Variants in OSMR observed in about 807,000 individuals in gnomAD.
The protein encoded by OSMR is oncostatin-M-specific receptor subunit beta.
In OSMR, 81 loss-of-function variants were observed where a neutral mutation model predicts 99.9. The observed-to-expected ratio is 0.81, with a 90% CI of 0.68 to 0.97. The LOEUF is 0.97. Ranked by LOEUF, OSMR falls within the 50% of genes least tolerant of loss-of-function variation. The pLI is 0.00. For synonymous variants in OSMR, 406 were observed against 410.4 expected, an observed-to-expected ratio of 0.99 and a Z score of 0.13; for missense variants, 1,099 against 1,153.4, an observed-to-expected ratio of 0.95 and a Z score of 0.68.
chr5:38,918,972 A>C lies in OSMR; in HGVS notation c.1495A>C (p.Arg499=). 6.2e-7 allele frequency: 1 copy of C among 1,614,172 alleles called. No individual in the cohort carries two copies. The highest frequency in any genetic ancestry group is 8.5e-7 in the Non-Finnish European group (1 of 1,180,016). The change falls in exon 11 of 18, where the codon AGG becomes CGG. Residue 499 remains arginine (R), a synonymous_variant. Transcript: ENST00000274276. ...CAACAGCACAAAACTAATCCTTGAC[A>C]GGTGTTCCTACCAAATCTGCGTCAT... ...PANSTKLILD[R]CSYQICVIAN...
At chr5:38,919,666 G>C (rs1746132712) in intron 11 of OSMR, 2 of 276,454 alleles carry the variant, frequency 7.2e-6, no homozygotes, top group South Asian at 7.9e-5. Flanking sequence ...ACAGTTACAT[G>C]CTATGAGATG....
At position 38,942,347 on chromosome 5, in the gene OSMR, G is replaced by T. The variant is rs61748204; in HGVS notation, c.75-1854G>T. The T allele has an allele frequency of 1.9e-6, 3 of 1,597,076 alleles. No homozygotes were observed. The Admixed American group carries it at 5.0e-5, about 27-fold the overall frequency. ...ATCAACTATAGGTTGCTTTGGTGGT[G>T]TTGCCAACACAGCCTCTGCTTCTTC... On this transcript the variant is annotated intron_variant and NMD_transcript_variant, in intron 1 of 2. Transcript: ENST00000508882.
chr5:38,914,131 C>T (rs890246706), intron 9 of OSMR, among the ~76,000 whole-genome samples: 1 of 152,176 alleles, frequency 6.6e-6, no homozygotes, highest in African/African-American at 2.4e-5. Flanking sequence ...TTTAATAACA[C>T]AGTACCACAG....
intron 1 of OSMR, among the ~76,000 whole-genome samples, chr5:38,862,608 C>T (rs184135789): frequency 1.9e-4 from 29 of 150,142 alleles, no homozygotes; most frequent in Non-Finnish European, 3.7e-4. Flanking sequence ...GACCGGGTCG[C>T]GGCCAGGCAG....
intron 7 of OSMR, among the ~76,000 whole-genome samples, chr5:38,888,055 G>C (rs1231944383): frequency 6.6e-6 from 1 of 152,142 alleles, no homozygotes; most frequent in Non-Finnish European, 1.5e-5. Context: ...GAAGGAAACA[G>C]CTCCTCCATG....
At position 38,931,893 on chromosome 5, in the gene OSMR, G is replaced by A. The variant is rs1746768073; in HGVS notation, c.2223G>A (p.Leu741=). ...TTTTTCCTCGTTCAGCCTCGATGCT[G>A]ATTCATATCCTACTGCCCATGGTTT... The part of the protein sequence containing the change: ...VTTPDEHSSM[L]IHILLPMVFC... The change falls in exon 16 of 18, where the codon CTG becomes CTA. Residue 741 remains leucine, a synonymous_variant. Transcript: ENST00000274276. 1 of 1,613,292 alleles carries A rather than the reference G, an allele frequency of 6.2e-7. No individual in the cohort carries two copies. Among genetic ancestry groups the A allele is most frequent in the African/African-American group, 1.3e-5 (1 of 74,878 alleles).
intron 1 of OSMR, among the ~76,000 whole-genome samples, chr5:38,860,128 G>A (rs537048627): frequency 6.6e-6 from 1 of 152,150 alleles, no homozygotes; most frequent in Non-Finnish European, 1.5e-5. Context: ...TGTAAAATTG[G>A]GCATCCTTTT....
intron 7 of OSMR, among the ~76,000 whole-genome samples, chr5:38,894,368 G>T (rs562374658): frequency 6.6e-6 from 1 of 151,280 alleles, no homozygotes; most frequent in Non-Finnish European, 1.5e-5. Context: ...CACTTAAAAG[G>T]CACAGTGAAT....
chr5:38,887,002 C>T (rs1017619445), intron 7 of OSMR, among the ~76,000 whole-genome samples: 2 of 151,994 alleles, frequency 1.3e-5, no homozygotes, highest in Non-Finnish European at 2.9e-5. Context: ...TGTATTATTG[C>T]CAATTAAATG....
chr5:38,943,642 G>C (rs997388950), intron 1 of OSMR, among the ~76,000 whole-genome samples: 26 of 152,150 alleles, frequency 1.7e-4, no homozygotes, highest in Admixed American at 1.6e-3. Flanking sequence ...GCGAAACTCT[G>C]TTTCTACTAA....
Position 38,862,095 on chromosome 5 carries a change from G to A in OSMR, c.-13-6937G>A, listed in dbSNP as rs868283583. On this transcript the variant is annotated intron_variant, in intron 1 of 17. Transcript: ENST00000274276. ...CCGGACGGGGCGGCTGGCCGGGTGG[G>A]GGGCTGACCCCCCACCTCCCTCCCG... Among the ~76,000 whole-genome samples, 226 of 26,126 alleles carry A rather than the reference G, an allele frequency of 8.7e-3. 19 individuals carry two copies. The highest frequency in any genetic ancestry group is 0.031 in the African/African-American group (196 of 6,376). 17.1% of individuals were successfully genotyped at this position (26,126 alleles called of 152,430 possible).
intron 2 of OSMR, among the ~76,000 whole-genome samples, chr5:38,873,054 A>C (rs187719087): frequency 6.6e-6 from 1 of 152,338 alleles, no homozygotes; most frequent in East Asian, 1.9e-4. Context: ...AAACATTTTC[A>C]TTACCCCAGA....
At chr5:38,914,496 A>G (rs13170340) in intron 9 of OSMR, among the ~76,000 whole-genome samples, 83,558 of 152,050 alleles carry the variant, frequency 0.55, 23,368 homozygotes, top group Middle Eastern at 0.6. Flanking sequence ...CCACCCAGCA[A>G]TCCCATTACT....
intron 7 of OSMR, among the ~76,000 whole-genome samples, chr5:38,894,727 A>C (rs1485359585): frequency 6.6e-6 from 1 of 152,122 alleles, no homozygotes; most frequent in Non-Finnish European, 1.5e-5. Flanking sequence ...ACCTACAAAG[A>C]GACTTAGATA....
At chr5:38,890,285 A>G (rs114626235) in intron 7 of OSMR, among the ~76,000 whole-genome samples, 3,099 of 152,254 alleles carry the variant, frequency 0.02, 67 homozygotes, top group South Asian at 0.082. Flanking sequence ...CCTGGCAAAT[A>G]TACTGAACCT....
intron 15 of OSMR, among the ~76,000 whole-genome samples, chr5:38,928,376 G>T (rs1451458548): frequency 6.6e-6 from 1 of 152,130 alleles, no homozygotes; most frequent in Non-Finnish European, 1.5e-5. Flanking sequence ...CCGATACTGG[G>T]TAATTTATAA....
At chr5:38,923,843 A>G (rs1284544132) in intron 13 of OSMR, among the ~76,000 whole-genome samples, 1 of 152,162 alleles carries the variant, frequency 6.6e-6, no homozygotes, top group African/African-American at 2.4e-5. Context: ...GAGGTGTGTG[A>G]CCTTGTGTGC....
rs567119789 is a variant in OSMR, at chr5:38,924,323, A to G, written c.1871-99A>G. On this transcript the variant is annotated intron_variant, in intron 13 of 17. Transcript: ENST00000274276. ...CCTTAACTTGGCATAAGCTGTTACA[A>G]CCTCCAGAGCTGGCTATGGTTCTTC... 9 of 1,587,142 alleles carry G rather than the reference A, an allele frequency of 5.7e-6. 1 individual carries two copies. In the African/African-American group the frequency reaches 8.1e-5, roughly 14 times the overall value.
At chr5:38,867,394 C>A (rs1228474469) in intron 1 of OSMR, among the ~76,000 whole-genome samples, 3 of 152,282 alleles carry the variant, frequency 2.0e-5, no homozygotes, top group African/African-American at 7.2e-5. Flanking sequence ...TAGGCAGTAA[C>A]AATTGATTAT....
Sources: gnomAD v4.1 joint callset for allele counts (sites outside exome capture counted in the v4.1 genomes callset) on GRCh38, gnomAD v4.1.1 for gene constraint, MANE v1.5 for transcripts, NCBI Gene and HGNC (gene_info 2026-07-23, HGNC 2026-07-21) for gene names.